BMP2: variants seen among roughly 807,000 people sequenced by gnomAD.
BMP2 encodes the protein bone morphogenetic protein 2, also known as bone morphogenetic protein 2A.
In BMP2, 2 loss-of-function variants were observed where a neutral mutation model predicts 28.8. That is an observed-to-expected ratio of 0.07 (90% CI 0.03 to 0.22). The LOEUF (loss-of-function observed/expected upper bound fraction) is 0.22, where lower values mean the gene tolerates loss of function less well. Among genes scored for constraint, BMP2 ranks in the 10% least tolerant of loss-of-function variants. The probability of loss-of-function intolerance (pLI) is 1.00; values close to 1 mark genes in which losing one functional copy is unlikely to be tolerated. For synonymous variants in BMP2, 218 were observed against 204.3 expected, an observed-to-expected ratio of 1.07 and a Z score of -0.57; for missense variants, 437 against 517.7, an observed-to-expected ratio of 0.84 and a Z score of 1.51.
chr20:6,770,233 C>T lies in BMP2; in HGVS notation c.107C>T (p.Ala36Val), dbSNP rs1418608910. Reference sequence around the variant, plus strand: ...CTGGGCCGCAGGAAGTTCGCGGCGGCGTCGTCGGGCCGCCCCTCATCCCAG... The same window carrying T: ...CTGGGCCGCAGGAAGTTCGCGGCGGTGTCGTCGGGCCGCCCCTCATCCCAG... ...PELGRRKFAA[A>V]SSGRPSSQPS... The change falls in exon 2 of 3, where the codon GCG becomes GTG. Residue 36 changes from alanine to valine, a missense_variant. This residue lies in a region of BMP2 where 363 missense variants were observed against 392.8 expected (regional missense o/e 0.92). Transcript: ENST00000378827. The T allele has an allele frequency of 1.9e-6, 3 of 1,600,998 alleles. No individual in the cohort carries two copies. In the African/African-American group the frequency reaches 4.0e-5, roughly 21 times the overall value.
In BMP2 at chr20:6,778,313, A is replaced by T; in HGVS notation, c.415A>T (p.Ile139Phe). ...TRRFFFNLSS[I>F]PTEEFITSAE... Reference sequence around the variant, plus strand: ...GAGATTCTTCTTTAATTTAAGTTCTATCCCCACGGAGGAGTTTATCACCTC... The same window carrying T: ...GAGATTCTTCTTTAATTTAAGTTCTTTCCCCACGGAGGAGTTTATCACCTC... The change falls in exon 3 of 3, where the codon ATC (isoleucine) becomes TTC (phenylalanine). Residue 139 changes from isoleucine (I) to phenylalanine (F), a missense_variant. By Grantham distance (21) the Ile-to-Phe change is conservative (BLOSUM62 0). Around this residue, in one of 2 missense-constraint regions of BMP2, gnomAD observed 363 missense variants for 392.8 expected, o/e 0.92. Transcript: ENST00000378827. This position sits in a 1 kb window ranked among gnomAD's most constrained non-coding sequence, Gnocchi z 5.0. 1 of 1,614,026 alleles carries T rather than the reference A, an allele frequency of 6.2e-7. No homozygotes were observed. Among genetic ancestry groups the T allele is most frequent in the African/African-American group, 1.3e-5 (1 of 75,008 alleles).
chr20:6,777,165 G>T (rs1986517164), intron 2 of BMP2, among the ~76,000 whole-genome samples: 1 of 152,060 alleles, frequency 6.6e-6, no homozygotes, highest in South Asian at 2.1e-4. Flanking sequence ...TATATTACTT[G>T]CTTGGAGAAT....
chr20:6,770,216 C>T lies in BMP2; in HGVS notation c.90C>T (p.Arg30=). 1 of 1,597,542 alleles carries T rather than the reference C, an allele frequency of 6.3e-7. No homozygotes were observed. The highest frequency in any genetic ancestry group is 8.5e-7 in the Non-Finnish European group (1 of 1,172,990). ...GAAGLVPELG[R]RKFAAASSGR... ...CTGGCCTCGTTCCGGAGCTGGGCCG[C>T]AGGAAGTTCGCGGCGGCGTCGTCGG... The change falls in exon 2 of 3, where the codon CGC becomes CGT. Residue 30 remains arginine (R), a synonymous_variant. Coordinates refer to ENST00000378827, the MANE Select transcript of BMP2 (RefSeq NM_001200.4).
chr20:6,770,007 A>G, intron 1 of BMP2, 113 bp from the exon 2 acceptor site: 1 of 1,128,156 alleles, frequency 8.9e-7, no homozygotes, highest in South Asian at 1.5e-5. Context: ...GTGCCAAGCC[A>G]GGAGGGCATC....
chr20:6,767,793 G>A lies in BMP2; in HGVS notation c.-1090G>A, dbSNP rs1169343916. The A allele has an allele frequency of 6.8e-6, 2 of 294,222 alleles. No homozygotes were observed. Among genetic ancestry groups the A allele is most frequent in the Non-Finnish European group, 1.2e-5 (2 of 160,560 alleles). The allele number at this position is 294,222 out of a possible 1,614,324, so 18.2% of individuals were successfully genotyped here. A position where few individuals can be genotyped will look rare whatever the true frequency, so the allele number is the denominator to read the frequency against. ...CACACCCCGCCGGGGACTGGCAGCC[G>A]CCGCCGCACATCTGCCGCCACAGCC... On this transcript the variant is annotated 5_prime_UTR_variant, in exon 1 of 3. Coordinates refer to ENST00000378827, the MANE Select transcript of BMP2 (RefSeq NM_001200.4).
In BMP2 at chr20:6,767,710, G is replaced by A. The variant is rs1986273247; in HGVS notation, c.-1173G>A. 9 of 154,336 alleles carry A rather than the reference G, an allele frequency of 5.8e-5. No individual in the cohort carries two copies. In the South Asian group the frequency reaches 1.4e-3, roughly 24 times the overall value. The allele number at this position is 154,336 out of a possible 1,614,324, so 9.6% of individuals were successfully genotyped here. A position where few individuals can be genotyped will look rare whatever the true frequency, so the allele number is the denominator to read the frequency against. On this transcript the variant is annotated 5_prime_UTR_variant, in exon 1 of 3. Coordinates refer to ENST00000378827, the MANE Select transcript of BMP2 (RefSeq NM_001200.4). ...CGCCGCCGCCGCCGTCGCCGCCGCC[G>A]GAGTCCTCGCCCCGCCGCGCTGCGC... is the stretch of plus-strand genomic sequence containing the variant.
At chr20:6,772,200 G>A (rs1986413976) in intron 2 of BMP2, among the ~76,000 whole-genome samples, 1 of 152,148 alleles carries the variant, frequency 6.6e-6, no homozygotes, top group Admixed American at 6.5e-5. Context: ...AACTAAACAG[G>A]CTACACGTTA....
chr20:6,774,434 G>T (rs147977422), intron 2 of BMP2, among the ~76,000 whole-genome samples: 1 of 152,168 alleles, frequency 6.6e-6, no homozygotes, highest in African/African-American at 2.4e-5. Context: ...GCTGAGATGG[G>T]AGGACTGCTT....
chr20:6,768,456 T>C lies in BMP2; in HGVS notation c.-427T>C, dbSNP rs1287824548. 1 of 391,912 alleles carries C rather than the reference T, an allele frequency of 2.6e-6. No homozygotes were observed. Among genetic ancestry groups the C allele is most frequent in the African/African-American group, 2.1e-5 (1 of 48,198 alleles). The allele number at this position is 391,912 out of a possible 1,614,324, so 24.3% of individuals were successfully genotyped here. A position where few individuals can be genotyped will look rare whatever the true frequency, so the allele number is the denominator to read the frequency against. ...GCGGGGCCACGCGTCCCTCGGGCGCTGGTTCCTAAGGAGGACGACAGCACC... is the reference window on the plus strand; with the variant it reads ...GCGGGGCCACGCGTCCCTCGGGCGCCGGTTCCTAAGGAGGACGACAGCACC... On this transcript the variant is annotated 5_prime_UTR_variant, in exon 1 of 3. Transcript: ENST00000378827.
Position 6,778,178 on chromosome 20 carries a change from G to C in BMP2, c.347-67G>C. On this transcript the variant is annotated intron_variant, in intron 2 of 2. Transcript: ENST00000378827. This position sits in a 1 kb window ranked among gnomAD's most constrained non-coding sequence, Gnocchi z 5.0. ...TAAAAATTCTCATAGATAATCAAAC[G>C]TCATTACTTGGCTTACTGAAATTCA... 1 of 1,519,742 alleles carries C rather than the reference G, an allele frequency of 6.6e-7. No individual in the cohort carries two copies. The highest frequency in any genetic ancestry group is 1.4e-5 in the South Asian group (1 of 73,170). The allele number at this position is 1,519,742 out of a possible 1,614,324, so 94.1% of individuals were successfully genotyped here. A position where few individuals can be genotyped will look rare whatever the true frequency, so the allele number is the denominator to read the frequency against.
In BMP2 at chr20:6,778,938, C is replaced by T. The variant is rs148745143; in HGVS notation, c.1040C>T (p.Thr347Met). ...TCCACTAATCATGCCATTGTTCAGA[C>T]GTTGGTCAACTCTGTTAACTCTAAG... ...LNSTNHAIVQ[T>M]LVNSVNSKIP... The change falls in exon 3 of 3, where the codon ACG becomes ATG. Residue 347 changes from threonine to methionine, a missense_variant. Thr to Met is a moderately conservative substitution (Grantham distance 81). Transcript: ENST00000378827. The surrounding 1 kb of genome is among the most constrained non-coding windows in gnomAD (Gnocchi z 5.0). The T allele has an allele frequency of 1.2e-4, 189 of 1,613,906 alleles. No homozygotes were observed. In the African/African-American group the frequency reaches 2.3e-3, roughly 19 times the overall value.
chr20:6,771,143 C>T (rs140485498), intron 2 of BMP2, among the ~76,000 whole-genome samples: 1 of 152,060 alleles, frequency 6.6e-6, no homozygotes, highest in East Asian at 1.9e-4. Flanking sequence ...CAGATAAAAG[C>T]GTTTGTAGCA....
chr20:6,769,966 G>A (rs892042678), intron 1 of BMP2, among the ~76,000 whole-genome samples, 154 bp from the exon 2 acceptor site: 3 of 152,170 alleles, frequency 2.0e-5, no homozygotes, highest in Non-Finnish European at 4.4e-5. Context: ...AAACGTTTGA[G>A]CTTCGGTCGG....
At position 6,767,757 on chromosome 20, in the gene BMP2, G is replaced by T. The variant is rs958370684; in HGVS notation, c.-1126G>T. The T allele has an allele frequency of 4.1e-5, 9 of 217,548 alleles. No homozygotes were observed. The highest frequency in any genetic ancestry group is 2.1e-4 in the African/African-American group (9 of 42,862). The allele number at this position is 217,548 out of a possible 1,614,324, so 13.5% of individuals were successfully genotyped here. ...GCGCCCGGCTCGCGCTGCGCTAGTC[G>T]CTCCGCTTCCCACACCCCGCCGGGG... On this transcript the variant is annotated 5_prime_UTR_variant, in exon 1 of 3. Coordinates refer to ENST00000378827, the MANE Select transcript of BMP2 (RefSeq NM_001200.4).
In BMP2 at chr20:6,770,014, C is replaced by T. The variant is rs903566986; in HGVS notation, c.-7-106C>T. On this transcript the variant is annotated intron_variant, in intron 1 of 2. Coordinates refer to ENST00000378827, the MANE Select transcript of BMP2 (RefSeq NM_001200.4). ...TCGTGAGTGTGCCAAGCCAGGAGGG[C>T]ATCCTGGAGGAGGCACGCCAGCCAA... 6.7e-6 allele frequency: 8 copies of T among 1,186,440 alleles called. No individual in the cohort carries two copies. In the African/African-American group the frequency reaches 1.1e-4, roughly 16 times the overall value. The allele number at this position is 1,186,440 out of a possible 1,614,324, so 73.5% of individuals were successfully genotyped here.
At chr20:6,770,604 C>A in intron 2 of BMP2, 132 bp downstream of exon 2, 1 of 879,760 alleles carries the variant, frequency 1.1e-6, no homozygotes, top group Non-Finnish European at 1.7e-6. Flanking sequence ...TGCTTCTGTA[C>A]TATCGTTTCT....
chr20:6,778,551 C>T lies in BMP2; in HGVS notation c.653C>T (p.Ala218Val), dbSNP rs1326461703. ...ACCCCCGCTGTGATGCGGTGGACTG[C>T]ACAGGGACACGCCAACCATGGATTC... ...DVTPAVMRWT[A>V]QGHANHGFVV... Residue 218 changes from alanine (A) to valine (V), a missense_variant, in exon 3 of 3, where the codon GCA becomes GTA. Transcript: ENST00000378827. The surrounding 1 kb of genome is among the most constrained non-coding windows in gnomAD (Gnocchi z 5.0). The T allele has an allele frequency of 1.2e-6, 2 of 1,614,178 alleles. No individual in the cohort carries two copies. The highest frequency in any genetic ancestry group is 4.5e-5 in the East Asian group (2 of 44,874).
rs3178250 is a variant in BMP2 at position 6,779,554 on chromosome 20, T to C, written c.*465T>C. ...GAAAAGTCTACATGGAAGGTTACTC[T>C]GGCAAAGTGCTTAGCACGTTTGCTT... is the stretch of plus-strand genomic sequence containing the variant. On this transcript the variant is annotated 3_prime_UTR_variant, in exon 3 of 3. Transcript: ENST00000378827. The C allele has an allele frequency of 0.22, 32,870 of 152,614 alleles. 3,906 individuals carry two copies. Among genetic ancestry groups the C allele is most frequent in the East Asian group, 0.46 (2,398 of 5,164 alleles). The allele number at this position is 152,614 out of a possible 1,614,324, so 9.5% of individuals were successfully genotyped here.
At position 6,778,269 on chromosome 20, in the gene BMP2, C is replaced by T. The variant is rs150153389; in HGVS notation, c.371C>T (p.Thr124Met). 34 of 1,597,458 alleles carry T rather than the reference C, an allele frequency of 2.1e-5. No homozygotes were observed. The highest frequency in any genetic ancestry group is 1.7e-4 in the Middle Eastern group (1 of 5,956). Residue 124 changes from threonine (T) to methionine (M), a missense_variant, in exon 3 of 3, where the codon ACG becomes ATG. Transcript: ENST00000378827. The surrounding 1 kb of genome is among the most constrained non-coding windows in gnomAD (Gnocchi z 5.0). ...HEESLEELPE[T>M]SGKTTRRFFF... ...GAATCTTTGGAAGAACTACCAGAAA[C>T]GAGTGGGAAAACAACCCGGAGATTC...
Sources: gnomAD v4.1 joint callset for allele counts (sites outside exome capture counted in the v4.1 genomes callset) on GRCh38, gnomAD v4.1.1 for gene constraint, gnomAD v4.1.1 regional missense constraint, Gnocchi (gnomAD v3.1) non-coding constraint, MANE v1.5 for transcripts, NCBI Gene and HGNC (gene_info 2026-07-23, HGNC 2026-07-21) for gene names.